Variants in DAB2IP observed in about 807,000 individuals in gnomAD.
The protein encoded by DAB2IP is disabled homolog 2-interacting protein.
DAB2IP carries 28 observed loss-of-function variants against 107.2 expected under a neutral mutation model. The observed-to-expected ratio is 0.26, with a 90% CI of 0.19 to 0.36. The LOEUF (loss-of-function observed/expected upper bound fraction) is 0.36. DAB2IP is among the 10% of genes least tolerant of loss of function. The pLI is 1.00. For missense variants in DAB2IP, 1,400 were observed against 1,644.7 expected, an observed-to-expected ratio of 0.85 and a Z score of 2.57; for synonymous variants, 755 against 706.4, an observed-to-expected ratio of 1.07 and a Z score of -1.09.
At chr9:121,768,836 C>G (rs1181614330) in intron 10 of DAB2IP, among the ~76,000 whole-genome samples, 2 of 152,244 alleles carry the variant, frequency 1.3e-5, no homozygotes, top group Admixed American at 1.3e-4. Flanking sequence ...TCTGCCAAGG[C>G]TGCCCCACTC....
In DAB2IP at chr9:121,568,325, C is replaced by A. The variant is rs12380661; in HGVS notation, c.40+1097C>A. 3.3e-5 allele frequency among the ~76,000 whole-genome samples: 5 copies of A among 152,038 alleles called. No homozygotes were observed. The East Asian group carries it at 9.7e-4, about 30-fold the overall frequency. On this transcript the variant is annotated intron_variant, in intron 1 of 16. Transcript: ENST00000259371. ...AGCCCTCAGGGAAGCTTGGCAAGGCCCAGCCCACAGACCTGGCATCTTTGG... is the reference window on the plus strand; with the variant it reads ...AGCCCTCAGGGAAGCTTGGCAAGGCACAGCCCACAGACCTGGCATCTTTGG...
chr9:121,705,174 T>C (rs1829996140), intron 3 of DAB2IP, among the ~76,000 whole-genome samples: 1 of 152,196 alleles, frequency 6.6e-6, no homozygotes, highest in African/African-American at 2.4e-5. Context: ...AATTAGCTAG[T>C]GAGAATGGGA....
chr9:121,576,759 G>C (rs764266051), intron 1 of DAB2IP, among the ~76,000 whole-genome samples: 5 of 152,160 alleles, frequency 3.3e-5, no homozygotes, highest in Admixed American at 3.3e-4. Context: ...GATTCTGGGG[G>C]GGGAGGGGAA....
chr9:121,771,691 C>T (rs768530679), intron 11 of DAB2IP, among the ~76,000 whole-genome samples: 44 of 152,254 alleles, frequency 2.9e-4, no homozygotes, highest in Non-Finnish European at 5.4e-4. Flanking sequence ...GTGGCCTGGG[C>T]AGCCAGGCCC....
At chr9:121,657,433 A>G (rs540959010) in intron 1 of DAB2IP, among the ~76,000 whole-genome samples, 1 of 152,162 alleles carries the variant, frequency 6.6e-6, no homozygotes, top group African/African-American at 2.4e-5. Context: ...ACCAAGCTGA[A>G]TGTGTGCCCG....
chr9:121,771,432 C>A (rs1834724160), intron 11 of DAB2IP, among the ~76,000 whole-genome samples: 1 of 152,138 alleles, frequency 6.6e-6, no homozygotes, highest in South Asian at 2.1e-4. Flanking sequence ...TGGTCTCCCC[C>A]AAGGTGGTGG....
chr9:121,689,303 A>G (rs1829042866), intron 2 of DAB2IP, among the ~76,000 whole-genome samples: 2 of 151,780 alleles, frequency 1.3e-5, no homozygotes, highest in Admixed American at 1.3e-4. Flanking sequence ...AAAAAAAAAA[A>G]AAAAAGAAAC....
intron 1 of DAB2IP, among the ~76,000 whole-genome samples, chr9:121,609,939 G>T (rs1299458226): frequency 6.6e-6 from 1 of 152,248 alleles, no homozygotes; most frequent in African/African-American, 2.4e-5. Flanking sequence ...CAGGTTCCCA[G>T]AGAGGGCTCC....
intron 1 of DAB2IP, among the ~76,000 whole-genome samples, chr9:121,668,998 C>T (rs1341705994): frequency 6.7e-6 from 1 of 148,342 alleles, no homozygotes; most frequent in Non-Finnish European, 1.5e-5. Context: ...TCACTGCAAC[C>T]TCCACCTCCC....
intron 1 of DAB2IP, among the ~76,000 whole-genome samples, chr9:121,578,590 ACCTCCTGCCCAC>A (rs929678642): frequency 2.5e-4 from 37 of 149,544 alleles, no homozygotes; most frequent in Admixed American, 5.3e-4. Flanking sequence ...TGGGCTCTGC[ACCTCCTGCCCAC>A]CCTCCTGCCT....
In DAB2IP at chr9:121,758,889, T is replaced by C. The variant is rs1399333465; in HGVS notation, c.517-9T>C. 2.5e-6 allele frequency: 4 copies of C among 1,611,634 alleles called. No individual in the cohort carries two copies. The highest frequency in any genetic ancestry group is 3.4e-6 in the Non-Finnish European group (4 of 1,179,302). ...TCCCTCATAACACTGTCTTGCCTGC[T>C]CCCCACAGGTGACGACGTCATCAGG... On this transcript the variant is annotated splice_polypyrimidine_tract_variant and intron_variant, in intron 4 of 15. Transcript: ENST00000408936.
intron 2 of DAB2IP, among the ~76,000 whole-genome samples, chr9:121,686,712 G>A (rs1253804452): frequency 6.6e-6 from 1 of 152,164 alleles, no homozygotes; most frequent in Non-Finnish European, 1.5e-5. Flanking sequence ...GTCTGTAAAT[G>A]GGCAGGAACC....
chr9:121,657,443 G>A (rs10985348), intron 1 of DAB2IP, among the ~76,000 whole-genome samples: 2 of 152,034 alleles, frequency 1.3e-5, no homozygotes, highest in East Asian at 1.9e-4. Context: ...ATGTGTGCCC[G>A]GCCCCATGCC....
chr9:121,762,922 C>T (rs528151410), intron 6 of DAB2IP, among the ~76,000 whole-genome samples: 5 of 152,292 alleles, frequency 3.3e-5, no homozygotes, highest in African/African-American at 9.6e-5. Context: ...TGGGCAGTGG[C>T]GCCTCCACCT....
chr9:121,642,026 TC>T (rs1564128855), intron 1 of DAB2IP, among the ~76,000 whole-genome samples: 24 of 37,426 alleles, frequency 6.4e-4, no homozygotes, highest in South Asian at 1.9e-3. Context: ...TCTCTCTCTC[TC>T]TCTCTTTCTT....
At chr9:121,595,602 C>CAA (rs34697198) in intron 1 of DAB2IP, among the ~76,000 whole-genome samples, 64,511 of 132,854 alleles carry the variant, frequency 0.49, 16,728 homozygotes, top group Middle Eastern at 0.6. Context: ...GGTGCTGTCT[C>CAA]AAAAAAAAAA....
intron 2 of DAB2IP, among the ~76,000 whole-genome samples, chr9:121,695,873 GTTT>G (rs1829398220): frequency 6.6e-6 from 1 of 152,054 alleles, no homozygotes; most frequent in African/African-American, 2.4e-5. Context: ...TTTTGTTTTT[GTTT>G]TTTGTTTTTT....
At chr9:121,785,191 C>G (rs1347877993) in exon 16 of DAB2IP, 1 of 152,660 alleles carries the variant, frequency 6.6e-6, no homozygotes, top group African/African-American at 2.4e-5. Context: ...CTCCACACGC[C>G]CCGGTCCCCC....
upstream of DAB2IP, among the ~76,000 whole-genome samples, chr9:121,647,722 G>A (rs535350070): frequency 6.6e-6 from 1 of 151,666 alleles, no homozygotes; most frequent in Non-Finnish European, 1.5e-5. Context: ...TTAAGGAGGG[G>A]GTGCTTCAAT....
Sources: gnomAD v4.1 joint callset for allele counts (sites outside exome capture counted in the v4.1 genomes callset) on GRCh38, gnomAD v4.1.1 for gene constraint, MANE v1.5 for transcripts, NCBI Gene and HGNC (gene_info 2026-07-23, HGNC 2026-07-21) for gene names.